The following AIM2 variants were observed in gnomAD, a reference collection of about 807,000 sequenced individuals.
AIM2 encodes absent in melanoma 2.
In AIM2, 30 loss-of-function variants were observed where a neutral mutation model predicts 27.7. That is an observed-to-expected ratio of 1.08 (90% CI 0.81 to 1.47). The LOEUF is 1.47. Ranked by LOEUF, AIM2 falls within the 40% of genes most tolerant of loss-of-function variation. AIM2 has a pLI of 0.00. For missense variants in AIM2, 358 were observed against 411.3 expected (o/e 0.87, Z 1.12); for synonymous variants, 141 against 145.3 (o/e 0.97, Z 0.21).
intron 1 of AIM2, among the ~76,000 whole-genome samples, chr1:159,095,512 T>C (rs1425670837): frequency 6.6e-6 from 1 of 152,200 alleles, no homozygotes; most frequent in Non-Finnish European, 1.5e-5. Flanking sequence ...GTGACAGCTG[T>C]TACCTCTGTT....
upstream of AIM2, among the ~76,000 whole-genome samples, chr1:159,077,143 C>A (rs79577873): frequency 0.017 from 2,641 of 152,286 alleles, 94 homozygotes; most frequent in African/African-American, 0.057. Context: ...AAATGAGACC[C>A]AAGCGAAAGT....
At position 159,068,659 on chromosome 1, in the gene AIM2, C is replaced by G; in HGVS notation, c.305G>C (p.Ser102Thr). The change falls in exon 3 of 6, where the codon AGT becomes ACT. Residue 102 changes from serine (S) to threonine (T), a missense_variant. Ser to Thr is a moderately conservative substitution (Grantham distance 58). Transcript: ENST00000368130. The part of the protein sequence containing the change: ...YKSVTKPKPL[S>T]QAEMSPAASA... ...TGCAGCAGGACTCATTTCAGCTTGA[C>G]TTAGTGGCTTTGGTTTTGTTACCGA... 1 of 1,613,814 alleles carries G rather than the reference C, an allele frequency of 6.2e-7. No homozygotes were observed. The highest frequency in any genetic ancestry group is 8.5e-7 in the Non-Finnish European group (1 of 1,179,834).
chr1:159,083,966 C>T (rs1008717448), intron 1 of AIM2, among the ~76,000 whole-genome samples: 1 of 152,204 alleles, frequency 6.6e-6, no homozygotes, highest in Non-Finnish European at 1.5e-5. Flanking sequence ...TTGCCTCTGG[C>T]ACACAGAGCT....
At position 159,109,354 on chromosome 1, in the gene AIM2, A is replaced by G. The variant is rs141132982; in HGVS notation, c.-16+31077T>C. On this transcript the variant is annotated intron_variant, in intron 1 of 2. Coordinates refer to the AIM2 transcript ENST00000368129. ...ATGGTACTGGGCTAATTGGCTAGCC[A>G]CATGTAAGAGAATGAAACTGGATCC... Among the ~76,000 whole-genome samples the G allele has an allele frequency of 7.9e-3, 1,200 of 152,358 alleles. 19 individuals are homozygous for G. The highest frequency in any genetic ancestry group is 0.027 in the Middle Eastern group (8 of 294).
chr1:159,080,111 T>G (rs1172440712), upstream of AIM2, among the ~76,000 whole-genome samples: 4 of 152,190 alleles, frequency 2.6e-5, no homozygotes, highest in Admixed American at 2.6e-4. Flanking sequence ...GCTTCCAAGT[T>G]TTGGCAATTA....
At chr1:159,128,944 A>T (rs1401876767) in intron 1 of AIM2, among the ~76,000 whole-genome samples, 1 of 152,230 alleles carries the variant, frequency 6.6e-6, no homozygotes, top group East Asian at 1.9e-4. Context: ...TCAGAAACTC[A>T]TCCAATCTCC....
upstream of AIM2, among the ~76,000 whole-genome samples, chr1:159,077,808 T>C (rs1202157002): frequency 6.6e-6 from 1 of 152,194 alleles, no homozygotes; most frequent in Non-Finnish European, 1.5e-5. Context: ...TTTCCTTTCT[T>C]ATTCATTGAA....
At chr1:159,074,591 T>A (rs539739537) in intron 1 of AIM2, among the ~76,000 whole-genome samples, 76 of 152,188 alleles carry the variant, frequency 5.0e-4, no homozygotes, top group African/African-American at 1.7e-3. Context: ...ATGTATAGTA[T>A]CCAAAATAAT....
chr1:159,107,031 T>A (rs947612292), intron 1 of AIM2, among the ~76,000 whole-genome samples: 2 of 152,248 alleles, frequency 1.3e-5, no homozygotes, highest in Non-Finnish European at 2.9e-5. Flanking sequence ...TTTCCAGAGA[T>A]CATGAAGACC....
intron 1 of AIM2, among the ~76,000 whole-genome samples, chr1:159,119,451 A>G (rs1198494380): frequency 2.0e-5 from 3 of 152,092 alleles, no homozygotes; most frequent in Non-Finnish European, 2.9e-5. Context: ...GATCAATCAC[A>G]AACATTATTT....
At chr1:159,078,508 C>T (rs755957644), upstream of AIM2, among the ~76,000 whole-genome samples, 4 of 152,186 alleles carry the variant, frequency 2.6e-5, 1 homozygote, top group South Asian at 4.1e-4. Flanking sequence ...AAGAACCCAA[C>T]AAGCACCAAC....
intron 1 of AIM2, among the ~76,000 whole-genome samples, chr1:159,074,134 C>T (rs926282400): frequency 5.3e-5 from 8 of 152,274 alleles, no homozygotes; most frequent in African/African-American, 1.9e-4. Context: ...GCATACAACA[C>T]GGTGCATACA....
At position 159,062,694 on chromosome 1, in the gene AIM2, A is replaced by G. The variant is rs74689714; in HGVS notation, c.1030T>C (p.Ter344GlnextTer16). ...IKVIKAKKKT* is the reference protein window; with the variant it reads ...IKVIKAKKKTQ ...TTGAATTGGTCCTTTTTACTTCTCTATGTTTTTTTTTTGGCCTTAATAACC... is the reference window on the plus strand; with the variant it reads ...TTGAATTGGTCCTTTTTACTTCTCTGTGTTTTTTTTTTGGCCTTAATAACC... The change falls in exon 6 of 6, where the codon TAG (stop) becomes CAG (glutamine). Residue 344 changes from the stop codon to glutamine (Q), a stop_lost. Coordinates refer to ENST00000368130, the MANE Select transcript of AIM2 (RefSeq NM_004833.3). 1.9e-6 allele frequency: 3 copies of G among 1,612,218 alleles called. No individual in the cohort carries two copies. The highest frequency in any genetic ancestry group is 2.5e-6 in the Non-Finnish European group (3 of 1,179,288).
upstream of AIM2, among the ~76,000 whole-genome samples, chr1:159,079,232 G>T (rs1656715783): frequency 6.6e-6 from 1 of 152,000 alleles, no homozygotes; most frequent in Non-Finnish European, 1.5e-5. Context: ...TGTAAAAAAT[G>T]AACAAATTAC....
At chr1:159,055,201 G>A in the AIM2 span, 1 of 192,368 alleles carries the variant, frequency 5.2e-6, no homozygotes, top group Non-Finnish European at 1.1e-5. Context: ...TTGCTTAAAA[G>A]CAAATAGTCT....
intron 1 of AIM2, among the ~76,000 whole-genome samples, chr1:159,083,269 T>C (rs955351357): frequency 6.6e-6 from 1 of 152,160 alleles, no homozygotes; most frequent in African/African-American, 2.4e-5. Flanking sequence ...TTGTAAGATG[T>C]AGGGTTCCAA....
Position 159,095,416 on chromosome 1 carries a change from A to G in AIM2, c.-15-29087T>C, listed in dbSNP as rs374298755. ...GCATGTACTTGAGCCATGAATTCTC[A>G]GTACTGAGGGCTCAGGAAGAGAAAG... On this transcript the variant is annotated intron_variant, in intron 1 of 2. Transcript: ENST00000368129. 1.9e-3 allele frequency among the ~76,000 whole-genome samples: 282 copies of G among 152,350 alleles called. 3 individuals are homozygous for G. Among genetic ancestry groups the G allele is most frequent in the African/African-American group, 6.7e-3 (278 of 41,584 alleles).
downstream of AIM2, among the ~76,000 whole-genome samples, chr1:159,058,728 CT>C (rs1287260865): frequency 6.6e-6 from 1 of 152,100 alleles, no homozygotes; most frequent in East Asian, 1.9e-4. Flanking sequence ...TGTTGTGGGA[CT>C]TTTCCTTATT....
At chr1:159,118,325 C>T (rs1293697721) in intron 1 of AIM2, among the ~76,000 whole-genome samples, 1 of 152,152 alleles carries the variant, frequency 6.6e-6, no homozygotes, top group Non-Finnish European at 1.5e-5. Context: ...ATAAAATTGT[C>T]ACTTTCCTGA....
Sources: allele counts gnomAD v4.1 joint callset (sites outside exome capture counted in the v4.1 genomes callset), GRCh38; gene constraint gnomAD v4.1.1; transcripts MANE v1.5; gene names NCBI Gene and HGNC (gene_info 2026-07-23, HGNC 2026-07-21).